LINGO2: variants seen among roughly 807,000 people sequenced by gnomAD.
LINGO2 encodes the protein leucine-rich repeat and immunoglobulin-like domain-containing nogo receptor-interacting protein 2.
In LINGO2, 14 loss-of-function variants were observed where a neutral mutation model predicts 30.6. The ratio of observed to expected loss-of-function variants is 0.46; its 90% CI spans 0.30 to 0.72. The LOEUF (loss-of-function observed/expected upper bound fraction) is 0.72. Among genes scored for constraint, LINGO2 ranks in the 30% least tolerant of loss-of-function variants. The pLI, the probability that LINGO2 is intolerant of heterozygous loss-of-function variation, is 0.07. For synonymous variants in LINGO2, 317 were observed against 288.5 expected (o/e 1.10, Z -1.00); for missense variants, 729 against 751.7 (o/e 0.97, Z 0.35).
chr9:28,801,229 C>CA, the LINGO2 span, among the ~76,000 whole-genome samples: 14 of 152,188 alleles, frequency 9.2e-5, no homozygotes, highest in African/African-American at 3.1e-4. Flanking sequence ...AAGCCAACAG[C>CA]AATGCAAAGC....
At chr9:28,111,806 T>A (rs1826800707) in intron 4 of LINGO2, among the ~76,000 whole-genome samples, 1 of 152,050 alleles carries the variant, frequency 6.6e-6, no homozygotes, top group Non-Finnish European at 1.5e-5. Context: ...GCTTTTAGAG[T>A]CACACAGGGG....
At chr9:28,089,719 C>A (rs1285350925) in intron 4 of LINGO2, among the ~76,000 whole-genome samples, 1 of 151,974 alleles carries the variant, frequency 6.6e-6, no homozygotes, top group Non-Finnish European at 1.5e-5. Flanking sequence ...AAGATCAGAA[C>A]AGAACTGAAG....
the LINGO2 span, among the ~76,000 whole-genome samples, chr9:29,177,686 T>A: frequency 1.3e-5 from 2 of 152,308 alleles, no homozygotes; most frequent in African/African-American, 4.8e-5. Flanking sequence ...GATTCTTCTT[T>A]CCCAAAACCA....
intron 4 of LINGO2, among the ~76,000 whole-genome samples, chr9:28,141,489 T>C (rs183525756): frequency 5.1e-4 from 78 of 152,354 alleles, no homozygotes; most frequent in Non-Finnish European, 5.7e-4. Flanking sequence ...TCATTGCTTA[T>C]ACCCAATAAT....
intron 1 of LINGO2, among the ~76,000 whole-genome samples, chr9:28,479,400 C>T (rs1285729273): frequency 2.6e-5 from 4 of 151,586 alleles, no homozygotes; most frequent in African/African-American, 4.8e-5. Flanking sequence ...TATTAAAGGA[C>T]AATATGCCAA....
chr9:28,041,154 C>G (rs562020813), intron 4 of LINGO2, among the ~76,000 whole-genome samples: 10 of 152,250 alleles, frequency 6.6e-5, no homozygotes, highest in African/African-American at 2.2e-4. Context: ...GATCCAAGAC[C>G]ATCTTTGTGT....
At chr9:28,955,270 CAG>C in the LINGO2 span, among the ~76,000 whole-genome samples, 7 of 152,052 alleles carry the variant, frequency 4.6e-5, no homozygotes, top group South Asian at 2.1e-4. Context: ...CAGAAGGAGA[CAG>C]AGAATAAGTA....
chr9:28,310,254 T>C (rs532829631), intron 3 of LINGO2, among the ~76,000 whole-genome samples: 8 of 152,164 alleles, frequency 5.3e-5, no homozygotes, highest in Admixed American at 1.3e-4. Flanking sequence ...CTAGAAACTT[T>C]TTTGGCAGTT....
intron 1 of LINGO2, among the ~76,000 whole-genome samples, chr9:28,633,155 T>C (rs886379651): frequency 6.6e-5 from 10 of 151,920 alleles, no homozygotes; most frequent in Non-Finnish European, 1.3e-4. Context: ...GCTGACTAGA[T>C]TGTGCCCACC....
intron 4 of LINGO2, among the ~76,000 whole-genome samples, chr9:28,060,228 G>C (rs956267750): frequency 1.3e-5 from 2 of 152,016 alleles, no homozygotes; most frequent in Non-Finnish European, 2.9e-5. Flanking sequence ...GGGAATTAGA[G>C]GCAAACAGTT....
At chr9:28,749,484 A>C in the LINGO2 span, among the ~76,000 whole-genome samples, 14 of 152,028 alleles carry the variant, frequency 9.2e-5, no homozygotes, top group African/African-American at 3.4e-4. Flanking sequence ...TAGAAAACTA[A>C]ATTGCTCATT....
chr9:28,822,395 CA>C, the LINGO2 span, among the ~76,000 whole-genome samples: 1 of 152,090 alleles, frequency 6.6e-6, no homozygotes, highest in African/African-American at 2.4e-5. Flanking sequence ...ACCAGAAATG[CA>C]AGCAATGTAT....
At chr9:28,811,444 T>C in the LINGO2 span, among the ~76,000 whole-genome samples, 3 of 152,164 alleles carry the variant, frequency 2.0e-5, no homozygotes, top group African/African-American at 4.8e-5. Context: ...GTGGCCTTGC[T>C]TAAAATTATC....
intron 3 of LINGO2, among the ~76,000 whole-genome samples, chr9:28,305,451 A>C (rs1824308619): frequency 6.6e-6 from 1 of 151,650 alleles, no homozygotes; most frequent in African/African-American, 2.4e-5. Context: ...ATGATTGTCT[A>C]AGTAAAAATC....
At chr9:28,684,092 T>C in the LINGO2 span, among the ~76,000 whole-genome samples, 33 of 152,012 alleles carry the variant, frequency 2.2e-4, no homozygotes, top group African/African-American at 7.5e-4. Context: ...TAAACACATT[T>C]TGTACCCAGT....
intron 4 of LINGO2, among the ~76,000 whole-genome samples, chr9:28,036,401 C>T (rs1823937274): frequency 6.6e-6 from 1 of 152,118 alleles, no homozygotes; most frequent in South Asian, 2.1e-4. Context: ...GTAAAGTTAG[C>T]TGGATTATTG....
intron 1 of LINGO2, among the ~76,000 whole-genome samples, chr9:28,604,679 G>C (rs1935824481): frequency 6.6e-6 from 1 of 151,868 alleles, no homozygotes; most frequent in African/African-American, 2.4e-5. Flanking sequence ...TCTGAAGTAA[G>C]TATCCATAGA....
the LINGO2 span, among the ~76,000 whole-genome samples, chr9:29,057,908 C>A: frequency 5.3e-5 from 8 of 152,090 alleles, no homozygotes; most frequent in Admixed American, 2.0e-4. Flanking sequence ...AACGCTATAT[C>A]TGTCCTAATA....
At chr9:28,979,568 A>C in the LINGO2 span, among the ~76,000 whole-genome samples, 1 of 152,086 alleles carries the variant, frequency 6.6e-6, no homozygotes, top group African/African-American at 2.4e-5. Context: ...CGTATATTCC[A>C]AATGGGACCT....
Sources: gnomAD v4.1 joint callset for allele counts (sites outside exome capture counted in the v4.1 genomes callset) on GRCh38, gnomAD v4.1.1 for gene constraint, MANE v1.5 for transcripts, NCBI Gene and HGNC (gene_info 2026-07-23, HGNC 2026-07-21) for gene names.